The following CCDC178 variants were observed in gnomAD, a reference collection of about 807,000 sequenced individuals.
The protein encoded by CCDC178 is coiled-coil domain containing 178, also known as coiled-coil domain-containing protein 178.
A neutral mutation model predicts 117.4 loss-of-function variants in CCDC178; 126 were observed. The ratio of observed to expected loss-of-function variants is 1.07; its 90% CI spans 0.93 to 1.24. The LOEUF is 1.24. CCDC178 is among the 50% of genes most tolerant of loss of function. The pLI is 0.00. For synonymous variants in CCDC178, 283 were observed against 313.4 expected (o/e 0.90, Z 1.02); for missense variants, 1,030 against 986.9 (o/e 1.04, Z -0.59).
intron 6 of CCDC178, among the ~76,000 whole-genome samples, chr18:33,364,096 T>G (rs143381906): frequency 1.2e-3 from 185 of 152,206 alleles, no homozygotes; most frequent in African/African-American, 4.2e-3. Context: ...TGAGACCATT[T>G]TAATCATTAT....
At chr18:33,225,919 TG>T (rs2059297753) in intron 16 of CCDC178, among the ~76,000 whole-genome samples, 1 of 152,126 alleles carries the variant, frequency 6.6e-6, no homozygotes, top group South Asian at 2.1e-4. Flanking sequence ...CCCAGCACTT[TG>T]GGAGGCTGAG....
chr18:33,362,333 G>A (rs189665227), intron 6 of CCDC178, among the ~76,000 whole-genome samples: 2 of 151,732 alleles, frequency 1.3e-5, no homozygotes, highest in East Asian at 3.9e-4. Context: ...ACTTACATGT[G>A]GAATATATTT....
intron 14 of CCDC178, among the ~76,000 whole-genome samples, chr18:33,261,671 A>T (rs1003281026): frequency 9.2e-5 from 14 of 152,290 alleles, no homozygotes; most frequent in African/African-American, 3.4e-4. Flanking sequence ...TTTCACATTT[A>T]AATATTCCAT....
chr18:33,011,294 T>C (rs2055857894), intron 21 of CCDC178, among the ~76,000 whole-genome samples: 1 of 152,154 alleles, frequency 6.6e-6, no homozygotes, highest in African/African-American at 2.4e-5. Context: ...CATTCAGGCA[T>C]GAGAAGTCTT....
At chr18:32,977,300 C>T (rs1376354267) in intron 21 of CCDC178, among the ~76,000 whole-genome samples, 1 of 152,142 alleles carries the variant, frequency 6.6e-6, no homozygotes, top group Non-Finnish European at 1.5e-5. Context: ...GATATTTTAG[C>T]AGTCACTTCT....
intron 21 of CCDC178, among the ~76,000 whole-genome samples, chr18:33,000,633 CAG>C (rs1250742712): frequency 6.6e-6 from 1 of 152,148 alleles, no homozygotes; most frequent in Non-Finnish European, 1.5e-5. Flanking sequence ...TGTTTGGCAG[CAG>C]ACTTTTCAGC....
intron 20 of CCDC178, among the ~76,000 whole-genome samples, chr18:33,130,401 C>G (rs2058056131): frequency 6.6e-6 from 1 of 151,920 alleles, no homozygotes; most frequent in African/African-American, 2.4e-5. Context: ...AGGCACTGTA[C>G]TAAATTATTA....
chr18:33,218,837 C>T (rs1403811766), intron 18 of CCDC178, among the ~76,000 whole-genome samples: 1 of 152,102 alleles, frequency 6.6e-6, no homozygotes, highest in Non-Finnish European at 1.5e-5. Context: ...CAATACCATG[C>T]TGTTTTGGTT....
chr18:33,255,438 GA>G (rs1244765489), intron 14 of CCDC178, among the ~76,000 whole-genome samples: 1 of 152,104 alleles, frequency 6.6e-6, no homozygotes, highest in African/African-American at 2.4e-5. Context: ...GCTGCTGAAG[GA>G]AAATAGTGTT....
At chr18:33,077,398 C>G (rs1353369641) in intron 21 of CCDC178, among the ~76,000 whole-genome samples, 1 of 152,104 alleles carries the variant, frequency 6.6e-6, no homozygotes, top group Non-Finnish European at 1.5e-5. Context: ...TATTTAGAGA[C>G]AGGATCTTTA....
At chr18:33,264,594 T>C (rs1455706396) in intron 14 of CCDC178, among the ~76,000 whole-genome samples, 1 of 152,070 alleles carries the variant, frequency 6.6e-6, no homozygotes, top group Non-Finnish European at 1.5e-5. Flanking sequence ...AAGCAAGATA[T>C]ACACCATGGA....
At chr18:33,289,509 G>A (rs1015319003) in intron 12 of CCDC178, among the ~76,000 whole-genome samples, 5 of 151,980 alleles carry the variant, frequency 3.3e-5, no homozygotes, top group African/African-American at 4.8e-5. Flanking sequence ...AGCTACTGGG[G>A]AGGCTGAGGC....
At chr18:33,312,995 A>G (rs2062363540) in intron 11 of CCDC178, among the ~76,000 whole-genome samples, 1 of 152,196 alleles carries the variant, frequency 6.6e-6, no homozygotes, top group Non-Finnish European at 1.5e-5. Flanking sequence ...GCTATATGCA[A>G]GAGGAACAGA....
At chr18:33,146,134 C>T (rs1357059173) in intron 20 of CCDC178, among the ~76,000 whole-genome samples, 2 of 152,148 alleles carry the variant, frequency 1.3e-5, no homozygotes, top group Admixed American at 6.5e-5. Context: ...GATAATGCTA[C>T]TGCCTGCAAT....
intron 11 of CCDC178, among the ~76,000 whole-genome samples, chr18:33,311,903 T>A (rs1599143189): frequency 6.6e-6 from 1 of 151,606 alleles, no homozygotes; most frequent in Non-Finnish European, 1.5e-5. Flanking sequence ...ATTATAGGAG[T>A]GTGAAGGAAG....
At chr18:33,267,133 GAT>G (rs2059828527) in intron 13 of CCDC178, 67 bp downstream of exon 13, 2 of 1,522,582 alleles carry the variant, frequency 1.3e-6, no homozygotes, top group African/African-American at 2.8e-5. Context: ...ATCACTTTTA[GAT>G]ATATGAGTTA....
intron 20 of CCDC178, among the ~76,000 whole-genome samples, chr18:33,162,331 A>C (rs2058475356): frequency 6.6e-6 from 1 of 152,220 alleles, no homozygotes; most frequent in Non-Finnish European, 1.5e-5. Flanking sequence ...TTAAAGTATA[A>C]TTTAAAAAAA....
At chr18:33,270,709 T>C (rs770905453) in intron 12 of CCDC178, among the ~76,000 whole-genome samples, 1 of 151,534 alleles carries the variant, frequency 6.6e-6, no homozygotes, top group African/African-American at 2.4e-5. Context: ...ACCTGTTCTA[T>C]AAAAAATACT....
intron 20 of CCDC178, among the ~76,000 whole-genome samples, chr18:33,181,602 A>C (rs1306145765): frequency 1.3e-5 from 2 of 151,824 alleles, no homozygotes; most frequent in Non-Finnish European, 2.9e-5. Context: ...TATTGTTCCC[A>C]CTTTTGTACT....
Sources: allele counts gnomAD v4.1 joint callset (sites outside exome capture counted in the v4.1 genomes callset), GRCh38; gene constraint gnomAD v4.1.1; transcripts MANE v1.5; gene names NCBI Gene and HGNC (gene_info 2026-07-23, HGNC 2026-07-21).